PAX3: variants seen among roughly 807,000 people sequenced by gnomAD.
PAX3 encodes paired box 3, also known as paired box protein Pax-3.
A neutral mutation model predicts 51.6 loss-of-function variants in PAX3; 14 were observed. That is an observed-to-expected ratio of 0.27 (90% CI 0.18 to 0.42). The LOEUF (loss-of-function observed/expected upper bound fraction) is 0.42. Ranked by LOEUF, PAX3 falls within the 10% of genes least tolerant of loss-of-function variation. The probability of loss-of-function intolerance (pLI) is 1.00; values close to 1 mark genes in which losing one functional copy is unlikely to be tolerated. For missense variants in PAX3, 540 were observed against 642.8 expected (o/e 0.84, Z 1.73); for synonymous variants, 280 against 253.4 (o/e 1.11, Z -1.00).
At chr2:222,243,282 G>A (rs1052136044) in intron 4 of PAX3, among the ~76,000 whole-genome samples, 1 of 152,220 alleles carries the variant, frequency 6.6e-6, no homozygotes, top group South Asian at 2.1e-4. Context: ...TTACAAAATT[G>A]CAGAATCCTT....
rs1412063042 is a variant in PAX3, at chr2:222,230,587, T to C, written c.792+1491A>G. ...TTTTTTAAAAAAAGGTTGGGCATGG[T>C]GGCTCATACCTGTAATCCCAGCACT... On this transcript the variant is annotated intron_variant, in intron 5 of 8. Transcript: ENST00000392070. Among the ~76,000 whole-genome samples, 2 of 152,118 alleles carry C rather than the reference T, an allele frequency of 1.3e-5. 1 individual carries two copies. Among genetic ancestry groups the C allele is most frequent in the Non-Finnish European group, 2.9e-5 (2 of 67,998 alleles).
At chr2:222,252,384 CATT>C (rs1270378244) in intron 4 of PAX3, among the ~76,000 whole-genome samples, 1 of 152,170 alleles carries the variant, frequency 6.6e-6, no homozygotes, top group East Asian at 1.9e-4. Context: ...TTCAAATCAA[CATT>C]ATTATTATAC....
chr2:222,242,763 A>G (rs1693064645), intron 4 of PAX3: 1 of 152,222 alleles, frequency 6.6e-6, no homozygotes, highest in South Asian at 2.1e-4. Flanking sequence ...GGTGGAAATT[A>G]TGTTCTGTAC....
At position 222,221,736 on chromosome 2, in the gene PAX3, G is replaced by A. The variant is rs1477442067; in HGVS notation, c.793-349C>T. Reference sequence around the variant, plus strand: ...TACGTGTAGACAGCCTTCTGGGGAGGATACATGAGCCTCTGTGACCCCTGC... The same window carrying A: ...TACGTGTAGACAGCCTTCTGGGGAGAATACATGAGCCTCTGTGACCCCTGC... On this transcript the variant is annotated intron_variant, in intron 5 of 8. Coordinates refer to ENST00000392070, the MANE Select transcript of PAX3 (RefSeq NM_181458.4). 19 of 313,852 alleles carry A rather than the reference G, an allele frequency of 6.1e-5. No homozygotes were observed. In the East Asian group the frequency reaches 1.5e-3, roughly 24 times the overall value. The allele number at this position is 313,852 out of a possible 1,614,324, so 19.4% of individuals were successfully genotyped here.
At chr2:222,265,424 C>A (rs1446553952) in intron 4 of PAX3, among the ~76,000 whole-genome samples, 1 of 152,110 alleles carries the variant, frequency 6.6e-6, no homozygotes, top group Non-Finnish European at 1.5e-5. Context: ...GAGGCCAAGG[C>A]GGGTGGATCA....
In PAX3 at chr2:222,267,872, G is replaced by C. The variant is rs1028460857; in HGVS notation, c.586+26295C>G. On this transcript the variant is annotated intron_variant, in intron 4 of 8. Transcript: ENST00000392070. The stretch of plus-strand genomic sequence containing the variant: ...ATTTGTGATTCGTCGTATTATATAC[G>C]ACTTACCCTGGGTGACTGGCAAATT... Among the ~76,000 whole-genome samples the C allele has an allele frequency of 5.3e-5, 8 of 152,116 alleles. No homozygotes were observed. The East Asian group carries it at 1.5e-3, about 29-fold the overall frequency.
chr2:222,244,786 T>C (rs1693158646), intron 4 of PAX3, among the ~76,000 whole-genome samples: 1 of 150,716 alleles, frequency 6.6e-6, no homozygotes, highest in Non-Finnish European at 1.5e-5. Flanking sequence ...CCAATTCCCT[T>C]AAAAATCCAA....
rs45497597 is a variant in PAX3, at chr2:222,287,712, T to C, written c.586+6455A>G. Among the ~76,000 whole-genome samples the C allele has an allele frequency of 1.6e-4, 24 of 152,342 alleles. No homozygotes were observed. In the East Asian group the frequency reaches 4.0e-3, roughly 26 times the overall value. ...AGGCAGTTGTTCTACACTGCAATGTTTGGTAGTAAATATTTTACATCAGAG... is the reference window on the plus strand; with the variant it reads ...AGGCAGTTGTTCTACACTGCAATGTCTGGTAGTAAATATTTTACATCAGAG... On this transcript the variant is annotated intron_variant, in intron 4 of 8. Coordinates refer to ENST00000392070, the MANE Select transcript of PAX3 (RefSeq NM_181458.4).
rs563448432 is a variant in PAX3 at position 222,206,506 on chromosome 2, G to C, written c.1174-4316C>G. ...CTTTAAAAACAAATTCAAAGCTTCC[G>C]AATTTATGTCCACGTTTCTCCTAGC... On this transcript the variant is annotated intron_variant, in intron 7 of 8. Coordinates refer to ENST00000392070, the MANE Select transcript of PAX3 (RefSeq NM_181458.4). Among the ~76,000 whole-genome samples the C allele has an allele frequency of 6.6e-5, 10 of 152,014 alleles. No homozygotes were observed. The South Asian group carries it at 2.1e-3, about 32-fold the overall frequency.
At chr2:222,255,380 C>T (rs917189219) in intron 4 of PAX3, among the ~76,000 whole-genome samples, 1 of 152,156 alleles carries the variant, frequency 6.6e-6, no homozygotes, top group African/African-American at 2.4e-5. Context: ...TGATCTCATG[C>T]AAATCATCTA....
intron 4 of PAX3, among the ~76,000 whole-genome samples, chr2:222,244,553 G>T (rs1360705835): frequency 1.3e-5 from 2 of 151,914 alleles, no homozygotes; most frequent in Admixed American, 6.6e-5. Flanking sequence ...GTCCTACCAG[G>T]CATAAGGGAA....
chr2:222,287,803 C>T (rs1694883901), intron 4 of PAX3, among the ~76,000 whole-genome samples: 2 of 151,836 alleles, frequency 1.3e-5, no homozygotes. Context: ...TAGATAATAC[C>T]CACCAAAATT....
chr2:222,224,453 G>C (rs1423235103), intron 5 of PAX3, among the ~76,000 whole-genome samples: 2 of 152,050 alleles, frequency 1.3e-5, no homozygotes, highest in African/African-American at 4.8e-5. Flanking sequence ...GCATTTCCTA[G>C]AACCAGCTGA....
At chr2:222,221,539 G>T in intron 5 of PAX3, 152 bp from the exon 6 acceptor site, 1 of 738,000 alleles carries the variant, frequency 1.4e-6, no homozygotes, top group Non-Finnish European at 2.3e-6. Context: ...TGGGCGAATT[G>T]TCAGGAGTAA....
At chr2:222,211,511 T>G (rs1475971538) in intron 7 of PAX3, among the ~76,000 whole-genome samples, 1 of 152,142 alleles carries the variant, frequency 6.6e-6, no homozygotes, top group African/African-American at 2.4e-5. Flanking sequence ...TTCTTTAAAA[T>G]TAGTCTCCCC....
chr2:222,271,070 G>A (rs528057229), intron 4 of PAX3, among the ~76,000 whole-genome samples: 4 of 152,204 alleles, frequency 2.6e-5, no homozygotes, highest in African/African-American at 4.8e-5. Context: ...ATGTGTTCGC[G>A]GTCACTAACA....
At chr2:222,286,844 A>G (rs1039296963) in intron 4 of PAX3, among the ~76,000 whole-genome samples, 2 of 152,274 alleles carry the variant, frequency 1.3e-5, no homozygotes, top group Admixed American at 6.5e-5. Flanking sequence ...AACACCTATT[A>G]TTCCTCAACA....
intron 4 of PAX3, among the ~76,000 whole-genome samples, chr2:222,258,967 C>T (rs1693746588): frequency 6.6e-6 from 1 of 152,142 alleles, no homozygotes; most frequent in South Asian, 2.1e-4. Context: ...ATACAAATCC[C>T]AAACCCTGAA....
At position 222,218,575 on chromosome 2, in the gene PAX3, A is replaced by C. The variant is rs77079607; in HGVS notation, c.1173+1565T>G. ...CCCCCAAAACTACAAATCTTAAAAAATCGCGGAGATAAGTACTTCTGATGT... is the reference window on the plus strand; with the variant it reads ...CCCCCAAAACTACAAATCTTAAAAACTCGCGGAGATAAGTACTTCTGATGT... On this transcript the variant is annotated intron_variant, in intron 7 of 8. Transcript: ENST00000392070. Among the ~76,000 whole-genome samples, 74 of 152,312 alleles carry C rather than the reference A, an allele frequency of 4.9e-4. No homozygotes were observed. In the East Asian group the frequency reaches 0.014, roughly 29 times the overall value.
Sources: allele counts gnomAD v4.1 joint callset (sites outside exome capture counted in the v4.1 genomes callset), GRCh38; gene constraint gnomAD v4.1.1; transcripts MANE v1.5; gene names NCBI Gene and HGNC (gene_info 2026-07-23, HGNC 2026-07-21).